The following TMEM108 variants were observed in gnomAD, a reference collection of about 807,000 sequenced individuals.
TMEM108 encodes the protein cancer/testis antigen 124.
Under a neutral mutation model 35.1 loss-of-function variants are expected in TMEM108, and 12 were observed. The observed-to-expected ratio is 0.34, with a 90% confidence interval of 0.22 to 0.55. The LOEUF is 0.55. Among genes scored for constraint, TMEM108 ranks in the 20% least tolerant of loss-of-function variants. The pLI is 0.89. For synonymous variants in TMEM108, 287 were observed against 308.6 expected, an observed-to-expected ratio of 0.93 and a Z score of 0.73; for missense variants, 680 against 753.3, an observed-to-expected ratio of 0.90 and a Z score of 1.14.
intron 2 of TMEM108, among the ~76,000 whole-genome samples, chr3:133,112,565 A>G (rs944421895): frequency 2.0e-5 from 3 of 152,226 alleles, no homozygotes; most frequent in Non-Finnish European, 4.4e-5. Flanking sequence ...AATAAGGATC[A>G]TCACATGAAT....
At chr3:133,189,817 C>G (rs1229575017) in intron 2 of TMEM108, among the ~76,000 whole-genome samples, 3 of 152,146 alleles carry the variant, frequency 2.0e-5, no homozygotes, top group African/African-American at 7.2e-5. Context: ...TGACAAGGAA[C>G]TAACAGGAGC....
chr3:133,213,442 A>G (rs551305336), intron 2 of TMEM108, among the ~76,000 whole-genome samples: 19 of 152,306 alleles, frequency 1.2e-4, no homozygotes, highest in African/African-American at 4.6e-4. Context: ...GCTTTCCCTG[A>G]ATTACTACTT....
intron 3 of TMEM108, among the ~76,000 whole-genome samples, chr3:133,265,919 C>A (rs1391711739): frequency 6.6e-6 from 1 of 152,178 alleles, no homozygotes; most frequent in Non-Finnish European, 1.5e-5. Flanking sequence ...AGATACCATT[C>A]ATTGTGTTGT....
chr3:133,394,142 G>GCA (rs1457623606), intron 5 of TMEM108, among the ~76,000 whole-genome samples: 1 of 152,294 alleles, frequency 6.6e-6, no homozygotes, highest in Middle Eastern at 3.4e-3. Flanking sequence ...AGCCAGCCAA[G>GCA]CACACACACA....
intron 4 of TMEM108, chr3:133,387,660 TGG>T: frequency 1.1e-5 from 8 of 709,686 alleles, no homozygotes; most frequent in Non-Finnish European, 1.4e-5. Context: ...GAATGTAGGC[TGG>T]GGGAAGGGGC....
chr3:133,111,798 G>A (rs546644112), intron 2 of TMEM108, among the ~76,000 whole-genome samples: 1 of 152,280 alleles, frequency 6.6e-6, no homozygotes, highest in South Asian at 2.1e-4. Flanking sequence ...CTCTTTGGTA[G>A]CTAAAGACTT....
intron 4 of TMEM108, chr3:133,387,999 C>T (rs2073179392): frequency 1.0e-6 from 1 of 985,462 alleles, no homozygotes; most frequent in African/African-American, 1.7e-5. Context: ...CCCTGCCAGC[C>T]TGTGTTCTGT....
chr3:133,305,010 G>C (rs1486227309), intron 3 of TMEM108, among the ~76,000 whole-genome samples: 1 of 152,114 alleles, frequency 6.6e-6, no homozygotes, highest in Non-Finnish European at 1.5e-5. Context: ...TTGAGCCTGG[G>C]AGGCAGAGAT....
chr3:133,135,251 C>T (rs1303119309), intron 2 of TMEM108, among the ~76,000 whole-genome samples: 1 of 151,254 alleles, frequency 6.6e-6, no homozygotes, highest in Non-Finnish European at 1.5e-5. Flanking sequence ...TAATAGACAT[C>T]AGTGATAACA....
chr3:133,156,355 A>G (rs1300397396), intron 2 of TMEM108, among the ~76,000 whole-genome samples: 2 of 152,206 alleles, frequency 1.3e-5, no homozygotes, highest in Non-Finnish European at 2.9e-5. Flanking sequence ...CCGTACATGT[A>G]TAGTATATAG....
intron 2 of TMEM108, among the ~76,000 whole-genome samples, chr3:133,212,853 G>A (rs1350906538): frequency 7.8e-6 from 1 of 128,854 alleles, no homozygotes; most frequent in Non-Finnish European, 1.6e-5. Context: ...AGTGACAGAG[G>A]GAGACTCTGT....
At chr3:133,162,962 A>G (rs1383980524) in intron 2 of TMEM108, among the ~76,000 whole-genome samples, 2 of 152,194 alleles carry the variant, frequency 1.3e-5, no homozygotes, top group Non-Finnish European at 2.9e-5. Context: ...TAATAGTAAC[A>G]TCTGGGGCTG....
chr3:133,372,970 A>C (rs576954199), intron 3 of TMEM108, among the ~76,000 whole-genome samples: 4 of 152,328 alleles, frequency 2.6e-5, no homozygotes, highest in African/African-American at 9.6e-5. Flanking sequence ...GTTAAGGGAA[A>C]CCATGCTCCA....
chr3:133,064,786 T>A (rs1293261187), intron 2 of TMEM108, among the ~76,000 whole-genome samples: 1 of 152,072 alleles, frequency 6.6e-6, no homozygotes, highest in Non-Finnish European at 1.5e-5. Flanking sequence ...AAGATAATGC[T>A]GATGAAATAA....
At chr3:133,210,733 T>C (rs1945824230) in intron 2 of TMEM108, among the ~76,000 whole-genome samples, 1 of 152,188 alleles carries the variant, frequency 6.6e-6, no homozygotes, top group Non-Finnish European at 1.5e-5. Context: ...GGACTAAGCA[T>C]TCCTGCACAA....
At chr3:133,089,315 C>G (rs534416908) in intron 2 of TMEM108, among the ~76,000 whole-genome samples, 1 of 152,274 alleles carries the variant, frequency 6.6e-6, no homozygotes, top group South Asian at 2.1e-4. Context: ...TGTCAGTTCT[C>G]TGGTCAAATT....
intron 2 of TMEM108, among the ~76,000 whole-genome samples, chr3:133,065,856 GGGTTATTAATGCAT>G (rs1461633356): frequency 6.6e-6 from 1 of 152,028 alleles, no homozygotes; most frequent in Non-Finnish European, 1.5e-5. Flanking sequence ...TATAATCGTT[GGGTTATTAATGCAT>G]GGCAATTTTA....
chr3:133,111,433 C>A (rs1944222487), intron 2 of TMEM108, among the ~76,000 whole-genome samples: 1 of 152,170 alleles, frequency 6.6e-6, no homozygotes, highest in Admixed American at 6.5e-5. Context: ...TTCTTCTCAT[C>A]ATGAGTCTCT....
At chr3:133,266,761 A>G (rs989058007) in intron 3 of TMEM108, among the ~76,000 whole-genome samples, 4 of 152,226 alleles carry the variant, frequency 2.6e-5, no homozygotes, top group Non-Finnish European at 1.5e-5. Context: ...TCAGGCGAGT[A>G]GTGACAGTTG....
Sources: allele counts gnomAD v4.1 joint callset (sites outside exome capture counted in the v4.1 genomes callset), GRCh38; gene constraint gnomAD v4.1.1; transcripts MANE v1.5; gene names NCBI Gene and HGNC (gene_info 2026-07-23, HGNC 2026-07-21).